The following RUNDC3B variants were observed in gnomAD, a reference collection of about 807,000 sequenced individuals.
RUNDC3B encodes the protein RUN domain-containing protein 3B.
Under a neutral mutation model 58.4 loss-of-function variants are expected in RUNDC3B, and 33 were observed. The observed-to-expected ratio is 0.56, with a 90% CI of 0.43 to 0.75. The LOEUF (loss-of-function observed/expected upper bound fraction) is 0.75. RUNDC3B is among the 30% of genes least tolerant of loss of function. RUNDC3B has a pLI of 0.00. For synonymous variants in RUNDC3B, 193 were observed against 195.2 expected, an observed-to-expected ratio of 0.99 and a Z score of 0.10; for missense variants, 501 against 535.7, an observed-to-expected ratio of 0.94 and a Z score of 0.64.
intron 2 of RUNDC3B, among the ~76,000 whole-genome samples, 156 bp from the exon 3 acceptor site, chr7:87,700,265 C>A (rs1828906245): frequency 6.6e-6 from 1 of 152,098 alleles, no homozygotes. Context: ...TAGAATAGGA[C>A]TAGATTTGAG....
chr7:87,829,057 T>C (rs1020350795), intron 10 of RUNDC3B, among the ~76,000 whole-genome samples: 1 of 152,178 alleles, frequency 6.6e-6, no homozygotes, highest in African/African-American at 2.4e-5. Flanking sequence ...TTGATTTGCG[T>C]TTCTCTGATG....
intron 6 of RUNDC3B, among the ~76,000 whole-genome samples, chr7:87,768,313 G>T (rs1046165004): frequency 1.3e-5 from 2 of 152,176 alleles, no homozygotes; most frequent in Non-Finnish European, 2.9e-5. Flanking sequence ...TCCCCTAGGA[G>T]TGGCCCACAC....
chr7:87,635,600 C>T (rs1821689284), intron 1 of RUNDC3B, among the ~76,000 whole-genome samples: 1 of 151,926 alleles, frequency 6.6e-6, no homozygotes, highest in South Asian at 2.1e-4. Context: ...TCTACTATGC[C>T]ACTATTCTTT....
chr7:87,667,894 T>C (rs1825425713), intron 2 of RUNDC3B, among the ~76,000 whole-genome samples: 1 of 152,128 alleles, frequency 6.6e-6, no homozygotes, highest in Admixed American at 6.6e-5. Context: ...TTCCAGTATT[T>C]TGTTGAGGAT....
rs745827157 is a variant in RUNDC3B, at chr7:87,628,906, A to G, written c.83A>G (p.Asn28Ser). The change falls in exon 1 of 11, where the codon AAT becomes AGT. Residue 28 changes from asparagine to serine, a missense_variant. Coordinates refer to ENST00000394654, the MANE Select transcript of RUNDC3B (RefSeq NM_001134405.2). ...GGCAAGAAAAGCCTGAGCGCCCGCA[A>G]TGCTGCGGTGGAGAGGAGGAACCTG... Reference protein sequence around the residue: ...GGGKKSLSARNAAVERRNLIT... With the variant: ...GGGKKSLSARSAAVERRNLIT... 83 of 1,308,606 alleles carry G rather than the reference A, an allele frequency of 6.3e-5. No individual in the cohort carries two copies. Among genetic ancestry groups the G allele is most frequent in the Middle Eastern group, 2.0e-4 (1 of 4,890 alleles). The allele number at this position is 1,308,606 out of a possible 1,614,324, so 81.1% of individuals were successfully genotyped here.
At chr7:87,709,925 C>G (rs1215011216) in intron 3 of RUNDC3B, among the ~76,000 whole-genome samples, 6 of 152,100 alleles carry the variant, frequency 3.9e-5, no homozygotes, top group African/African-American at 1.4e-4. Flanking sequence ...TAAGAATTGT[C>G]TGTTTCTGTG....
chr7:87,792,723 A>G (rs1396669926), intron 8 of RUNDC3B, among the ~76,000 whole-genome samples: 1 of 152,072 alleles, frequency 6.6e-6, no homozygotes, highest in African/African-American at 2.4e-5. Context: ...CTACGAGGGA[A>G]CTTCATACCT....
intron 2 of RUNDC3B, among the ~76,000 whole-genome samples, chr7:87,683,427 G>A (rs977264273): frequency 1.3e-5 from 2 of 152,102 alleles, no homozygotes; most frequent in East Asian, 1.9e-4. Context: ...AAGATTAATC[G>A]TGTACAGCTT....
chr7:87,753,003 G>C (rs1833115400), intron 6 of RUNDC3B, among the ~76,000 whole-genome samples: 1 of 151,910 alleles, frequency 6.6e-6, no homozygotes, highest in South Asian at 2.1e-4. Flanking sequence ...GCTTTCTCTT[G>C]TGGTCATTTA....
chr7:87,749,582 C>A (rs999211552), intron 6 of RUNDC3B, among the ~76,000 whole-genome samples: 1 of 151,968 alleles, frequency 6.6e-6, no homozygotes, highest in East Asian at 1.9e-4. Flanking sequence ...CAAATCAAAT[C>A]GCATCCACAG....
At chr7:87,648,635 A>T (rs1478413210) in intron 1 of RUNDC3B, among the ~76,000 whole-genome samples, 4 of 152,194 alleles carry the variant, frequency 2.6e-5, no homozygotes, top group African/African-American at 9.6e-5. Context: ...CAGAGAAGTA[A>T]AACACTTGAA....
At chr7:87,726,585 G>T (rs1831245791) in intron 4 of RUNDC3B, among the ~76,000 whole-genome samples, 1 of 152,094 alleles carries the variant, frequency 6.6e-6, no homozygotes, top group African/African-American at 2.4e-5. Flanking sequence ...GCTCTTTTTT[G>T]ATTCCATATG....
chr7:87,736,854 CCTATATAT>C (rs1347141918), intron 4 of RUNDC3B, among the ~76,000 whole-genome samples: 1 of 55,576 alleles, frequency 1.8e-5, no homozygotes, highest in Non-Finnish European at 3.2e-5. Context: ...TATATATATA[CCTATATAT>C]ATATATATAT....
chr7:87,727,983 T>A (rs1831345539), intron 4 of RUNDC3B, among the ~76,000 whole-genome samples: 1 of 152,144 alleles, frequency 6.6e-6, no homozygotes, highest in Non-Finnish European at 1.5e-5. Context: ...AAGGAAAAAG[T>A]ATAGCAGAGA....
intron 8 of RUNDC3B, among the ~76,000 whole-genome samples, chr7:87,806,513 G>T (rs1025443648): frequency 6.6e-6 from 1 of 152,076 alleles, no homozygotes; most frequent in African/African-American, 2.4e-5. Flanking sequence ...GTACTTTAAG[G>T]CCTTTTATAG....
chr7:87,628,759 C>T lies in RUNDC3B; in HGVS notation c.-65C>T. 1 of 1,039,230 alleles carries T rather than the reference C, an allele frequency of 9.6e-7. No individual in the cohort carries two copies. The highest frequency in any genetic ancestry group is 1.3e-6 in the Non-Finnish European group (1 of 799,812). 64.4% of individuals were successfully genotyped at this position (1,039,230 alleles called of 1,614,324 possible). A position where few individuals can be genotyped will look rare whatever the true frequency, so the allele number is the denominator to read the frequency against. ...CGGTTGCGGACCGAGCGAGAACCCC[C>T]TTAAGCAGGTGTGGGGGGCGTGCGG... On this transcript the variant is annotated 5_prime_UTR_variant, in exon 1 of 11. Coordinates refer to ENST00000394654, the MANE Select transcript of RUNDC3B (RefSeq NM_001134405.2).
chr7:87,765,854 T>G (rs1833949527), intron 6 of RUNDC3B, among the ~76,000 whole-genome samples: 1 of 152,080 alleles, frequency 6.6e-6, no homozygotes, highest in Non-Finnish European at 1.5e-5. Context: ...TTTTTTTTAT[T>G]TTCTGCCTCA....
At chr7:87,755,790 A>C (rs1833333617) in intron 6 of RUNDC3B, among the ~76,000 whole-genome samples, 1 of 152,174 alleles carries the variant, frequency 6.6e-6, no homozygotes, top group Non-Finnish European at 1.5e-5. Context: ...ATCTGGAAGT[A>C]TTCCCCTTGA....
chr7:87,708,086 C>A (rs1038430693), intron 3 of RUNDC3B, among the ~76,000 whole-genome samples: 54 of 152,016 alleles, frequency 3.6e-4, no homozygotes, highest in African/African-American at 1.3e-3. Flanking sequence ...GTTACCAAAA[C>A]TTTCATCTCA....
Sources: gnomAD v4.1 joint callset for allele counts (sites outside exome capture counted in the v4.1 genomes callset) on GRCh38, gnomAD v4.1.1 for gene constraint, MANE v1.5 for transcripts, NCBI Gene and HGNC (gene_info 2026-07-23, HGNC 2026-07-21) for gene names.